EML1: variants seen among roughly 807,000 people sequenced by gnomAD.
The protein encoded by EML1 is echinoderm microtubule-associated protein-like 1.
In EML1, 27 loss-of-function variants were observed where a neutral mutation model predicts 110.4. The ratio of observed to expected loss-of-function variants is 0.24; its 90% CI spans 0.18 to 0.34. EML1 has a LOEUF of 0.34. Ranked by LOEUF, EML1 falls within the 10% of genes least tolerant of loss-of-function variation. EML1 has a pLI of 1.00. For synonymous variants in EML1, 344 were observed against 385.8 expected (o/e 0.89, Z 1.27); for missense variants, 741 against 1,030.9 (o/e 0.72, Z 3.85).
At chr14:99,894,877 T>C (rs1472627216) in intron 6 of EML1, 119 bp downstream of exon 6, 1 of 1,306,274 alleles carries the variant, frequency 7.7e-7, no homozygotes, top group Non-Finnish European at 1.0e-6. Context: ...CAAAATGTTT[T>C]ACTGTTACTT....
chr14:99,897,320 G>T, intron 7 of EML1, 26 bp downstream of exon 7: 1 of 1,564,524 alleles, frequency 6.4e-7, no homozygotes, highest in Non-Finnish European at 8.7e-7. Flanking sequence ...GGTCATTCCT[G>T]CGACTCAGAA....
At chr14:99,815,488 T>C (rs1050829526) in intron 1 of EML1, among the ~76,000 whole-genome samples, 8 of 152,186 alleles carry the variant, frequency 5.3e-5, no homozygotes, top group Admixed American at 4.6e-4. Context: ...TATAATGATA[T>C]GCCCCCTTGT....
Position 99,865,578 on chromosome 14 carries a change from G to A in EML1, c.315G>A (p.Lys105=), listed in dbSNP as rs1474906314. 4.3e-6 allele frequency: 7 copies of A among 1,614,210 alleles called. No individual in the cohort carries two copies. Among genetic ancestry groups the A allele is most frequent in the Non-Finnish European group, 5.9e-6 (7 of 1,180,032 alleles). ...TCAACAATGGCACTGTGTTACCAAA[G>A]AAACCTACTGGCTCTCTACCATCCC... The part of the protein sequence containing the change: ...TTVNNGTVLP[K]KPTGSLPSPS... The change falls in exon 3 of 22, where the codon AAG becomes AAA. Residue 105 remains lysine, a synonymous_variant. Coordinates refer to ENST00000262233, the MANE Select transcript of EML1 (RefSeq NM_004434.3).
At chr14:99,934,405 A>G (rs2060430331) in intron 17 of EML1, among the ~76,000 whole-genome samples, 1 of 152,140 alleles carries the variant, frequency 6.6e-6, no homozygotes, top group African/African-American at 2.4e-5. Context: ...CATCGCCCCT[A>G]TTTTGTCCTG....
chr14:99,888,976 C>T (rs948911644), intron 4 of EML1, among the ~76,000 whole-genome samples: 2 of 152,160 alleles, frequency 1.3e-5, no homozygotes, highest in African/African-American at 2.4e-5. Flanking sequence ...CCCAGACTTC[C>T]GTGAGTGTGC....
At chr14:99,931,560 G>A (rs895000493) in intron 17 of EML1, among the ~76,000 whole-genome samples, 1 of 152,084 alleles carries the variant, frequency 6.6e-6, no homozygotes, top group Admixed American at 6.5e-5. Flanking sequence ...TTTCATTTTG[G>A]GCCAAATCCT....
intron 17 of EML1, among the ~76,000 whole-genome samples, chr14:99,926,139 T>C (rs375635132): frequency 6.6e-6 from 1 of 152,216 alleles, no homozygotes; most frequent in African/African-American, 2.4e-5. Context: ...GATTTTCATG[T>C]CTTGTTCAAT....
chr14:99,824,575 A>G (rs2058320765), intron 1 of EML1, among the ~76,000 whole-genome samples: 4 of 151,930 alleles, frequency 2.6e-5, no homozygotes, highest in Admixed American at 2.0e-4. Context: ...TTCAGGTCTT[A>G]TCAGTGAAAA....
intron 2 of EML1, among the ~76,000 whole-genome samples, chr14:99,861,208 C>G (rs2058997740): frequency 6.6e-6 from 1 of 152,176 alleles, no homozygotes; most frequent in African/African-American, 2.4e-5. Flanking sequence ...GGAGCAGGTA[C>G]TAGCTTCAAG....
chr14:99,882,329 CA>C (rs2059399045), intron 4 of EML1, among the ~76,000 whole-genome samples: 1 of 152,088 alleles, frequency 6.6e-6, no homozygotes, highest in African/African-American at 2.4e-5. Flanking sequence ...TATTTAGAAG[CA>C]CGGTTCATGT....
rs141132292 is a variant in EML1 at position 99,814,668 on chromosome 14, AT to A, written c.67+21129del. Among the ~76,000 whole-genome samples the A allele has an allele frequency of 6.3e-3, 961 of 152,326 alleles. 8 individuals are homozygous for A. Among genetic ancestry groups the A allele is most frequent in the South Asian group, 0.028 (134 of 4,832 alleles). On this transcript the variant is annotated intron_variant, in intron 1 of 21. Coordinates refer to ENST00000262233, the MANE Select transcript of EML1 (RefSeq NM_004434.3). ...TTGTGTGAAAATACAAGTTAAAGCT[AT>A]TTTACAGAGCAGTTAGAGGCTTGTC...
intron 1 of EML1, among the ~76,000 whole-genome samples, chr14:99,787,212 T>C (rs917223505): frequency 6.6e-6 from 1 of 151,738 alleles, no homozygotes; most frequent in African/African-American, 2.4e-5. Context: ...TATATTTTAA[T>C]ATGAGTAGTG....
In EML1 at chr14:99,909,372, G is replaced by A; in HGVS notation, c.1132G>A (p.Asp378Asn). The change falls in exon 11 of 22, where the codon GAT (aspartate) becomes AAT (asparagine). Residue 378 changes from aspartate to asparagine, a missense_variant. Coordinates refer to ENST00000262233, the MANE Select transcript of EML1 (RefSeq NM_004434.3). ...KCSNEAVFAA[D>N]FHPTDTNIIV... is the part of the protein sequence containing the mutation. ...CTCTAATGAAGCTGTGTTTGCTGCG[G>A]ATTTCCACCCCACGGACACCAACAT... 1 of 1,614,168 alleles carries A rather than the reference G, an allele frequency of 6.2e-7. No homozygotes were observed. Among genetic ancestry groups the A allele is most frequent in the Non-Finnish European group, 8.5e-7 (1 of 1,180,026 alleles).
At chr14:99,865,865 A>G (rs770781730) in intron 3 of EML1, among the ~76,000 whole-genome samples, 20 of 152,350 alleles carry the variant, frequency 1.3e-4, no homozygotes, top group South Asian at 4.1e-4. Flanking sequence ...TCACTGGCTA[A>G]AACCACAGTG....
intron 1 of EML1, among the ~76,000 whole-genome samples, chr14:99,807,271 T>A (rs1163524056): frequency 2.0e-5 from 3 of 152,240 alleles, no homozygotes; most frequent in Non-Finnish European, 4.4e-5. Context: ...ACATCTGGGT[T>A]GCAGCCTTGA....
chr14:99,764,614 G>A (rs1337507958), intron 1 of EML1, among the ~76,000 whole-genome samples: 3 of 152,212 alleles, frequency 2.0e-5, no homozygotes, highest in Non-Finnish European at 2.9e-5. Context: ...GCCAAGGAGC[G>A]TCAGGGCAGG....
chr14:99,935,645 T>C (rs2060455052), intron 17 of EML1, among the ~76,000 whole-genome samples: 3 of 152,032 alleles, frequency 2.0e-5, no homozygotes. Context: ...TAGCCAAGCG[T>C]GGTGGCACGC....
intron 1 of EML1, among the ~76,000 whole-genome samples, chr14:99,746,389 CA>C (rs1161940298): frequency 6.6e-6 from 1 of 152,154 alleles, no homozygotes; most frequent in Non-Finnish European, 1.5e-5. Flanking sequence ...GGAGAGGTCT[CA>C]GGGGGCACCT....
intron 1 of EML1, among the ~76,000 whole-genome samples, chr14:99,739,238 C>T (rs913032129): frequency 1.3e-5 from 2 of 151,986 alleles, no homozygotes; most frequent in South Asian, 2.1e-4. Flanking sequence ...AGAAATTGCC[C>T]GCCGGGGCTG....
Sources: allele counts gnomAD v4.1 joint callset (sites outside exome capture counted in the v4.1 genomes callset), GRCh38; gene constraint gnomAD v4.1.1; transcripts MANE v1.5; gene names NCBI Gene and HGNC (gene_info 2026-07-23, HGNC 2026-07-21).